EDIL3: variants seen among roughly 807,000 people sequenced by gnomAD.
EDIL3 encodes EGF-like repeat and discoidin I-like domain-containing protein 3.
Under a neutral mutation model 67.4 loss-of-function variants are expected in EDIL3, and 37 were observed. The observed-to-expected ratio is 0.55, with a 90% CI of 0.42 to 0.72. The LOEUF (loss-of-function observed/expected upper bound fraction) is 0.72. Among genes scored for constraint, EDIL3 ranks in the 30% least tolerant of loss-of-function variants. The pLI is 0.00. For synonymous variants in EDIL3, 195 were observed against 196.3 expected (o/e 0.99, Z 0.05); for missense variants, 527 against 586.3 (o/e 0.90, Z 1.04).
At chr5:83,968,331 C>G (rs749000632) in intron 9 of EDIL3, among the ~76,000 whole-genome samples, 6 of 152,028 alleles carry the variant, frequency 3.9e-5, no homozygotes, top group Non-Finnish European at 8.8e-5. Flanking sequence ...CATTCTAGCA[C>G]TCATTATTGC....
chr5:84,267,379 C>T (rs1347384508), intron 1 of EDIL3, among the ~76,000 whole-genome samples: 3 of 152,084 alleles, frequency 2.0e-5, no homozygotes, highest in Non-Finnish European at 2.9e-5. Context: ...ATGGCTATGC[C>T]CCTTAGTATG....
At chr5:84,054,148 T>C (rs1459303873) in intron 9 of EDIL3, among the ~76,000 whole-genome samples, 3 of 152,156 alleles carry the variant, frequency 2.0e-5, no homozygotes, top group Admixed American at 6.5e-5. Context: ...GCAAGGCTGG[T>C]TCAACATATG....
intron 1 of EDIL3, among the ~76,000 whole-genome samples, chr5:84,355,791 T>G (rs896357468): frequency 5.9e-5 from 9 of 152,124 alleles, no homozygotes; most frequent in Non-Finnish European, 1.0e-4. Context: ...AAGCAGTCTG[T>G]CCCTTTGCAG....
At position 84,280,126 on chromosome 5, in the gene EDIL3, C is replaced by T. The variant is rs75473421; in HGVS notation, c.68-25914G>A. On this transcript the variant is annotated intron_variant, in intron 1 of 10. Coordinates refer to ENST00000296591, the MANE Select transcript of EDIL3 (RefSeq NM_005711.5). ...TGTAATGTTTCTACATCTTTGCTTTCTATAAAATGCCTAGCAAAGAATTGT... is the reference window on the plus strand; with the variant it reads ...TGTAATGTTTCTACATCTTTGCTTTTTATAAAATGCCTAGCAAAGAATTGT... 2.5e-3 allele frequency among the ~76,000 whole-genome samples: 384 copies of T among 152,280 alleles called. 1 individual carries two copies. The highest frequency in any genetic ancestry group is 8.4e-3 in the African/African-American group (350 of 41,552).
chr5:84,331,516 T>C (rs961353767), intron 1 of EDIL3, among the ~76,000 whole-genome samples: 9 of 152,190 alleles, frequency 5.9e-5, no homozygotes, highest in Admixed American at 5.9e-4. Flanking sequence ...TGCTCTGCAC[T>C]TCTCATTCCT....
intron 3 of EDIL3, among the ~76,000 whole-genome samples, chr5:84,183,777 C>G (rs890926967): frequency 1.3e-5 from 2 of 152,116 alleles, no homozygotes; most frequent in Non-Finnish European, 2.9e-5. Context: ...ATGACTGAAA[C>G]AGTAAGTCCT....
At chr5:84,224,630 T>C (rs1351064478) in intron 3 of EDIL3, among the ~76,000 whole-genome samples, 1 of 151,490 alleles carries the variant, frequency 6.6e-6, no homozygotes, top group Non-Finnish European at 1.5e-5. Context: ...TATCATATGT[T>C]CAGGTGAATG....
intron 3 of EDIL3, among the ~76,000 whole-genome samples, chr5:84,208,344 T>C (rs1193330055): frequency 6.6e-5 from 10 of 152,034 alleles, no homozygotes; most frequent in Non-Finnish European, 1.2e-4. Context: ...AAAACCACAA[T>C]GAGATACCAT....
intron 3 of EDIL3, among the ~76,000 whole-genome samples, chr5:84,219,117 T>C (rs1187914790): frequency 6.6e-6 from 1 of 152,116 alleles, no homozygotes; most frequent in Non-Finnish European, 1.5e-5. Flanking sequence ...ACAGAGGTGC[T>C]TGTGTCACCC....
chr5:84,304,215 G>A (rs1213052857), intron 1 of EDIL3, among the ~76,000 whole-genome samples: 7 of 152,078 alleles, frequency 4.6e-5, no homozygotes, highest in Non-Finnish European at 8.8e-5. Flanking sequence ...TGTTTCCTAG[G>A]TGAAAGCTGA....
chr5:84,080,037 C>T (rs1276415341), intron 6 of EDIL3, among the ~76,000 whole-genome samples: 11 of 136,216 alleles, frequency 8.1e-5, no homozygotes, highest in Non-Finnish European at 1.5e-4. Flanking sequence ...TTTGGGAGGC[C>T]GAGGCGGGCG....
At chr5:84,277,242 G>A (rs1042400508) in intron 1 of EDIL3, among the ~76,000 whole-genome samples, 1 of 152,062 alleles carries the variant, frequency 6.6e-6, no homozygotes, top group Non-Finnish European at 1.5e-5. Flanking sequence ...TGTGATTAGT[G>A]TCCTTATAAC....
intron 5 of EDIL3, among the ~76,000 whole-genome samples, chr5:84,120,976 A>G (rs1027937075): frequency 2.6e-4 from 39 of 151,982 alleles, no homozygotes; most frequent in Non-Finnish European, 7.4e-5. Context: ...ATACATGCCA[A>G]TGGGTAACAG....
intron 5 of EDIL3, among the ~76,000 whole-genome samples, chr5:84,113,020 A>G (rs749554072): frequency 3.3e-5 from 5 of 152,176 alleles, no homozygotes; most frequent in Non-Finnish European, 4.4e-5. Context: ...TGAGTAAAGA[A>G]GAGCACTTGT....
intron 1 of EDIL3, among the ~76,000 whole-genome samples, chr5:84,286,343 G>T (rs192429685): frequency 1.5e-3 from 226 of 152,218 alleles, no homozygotes; most frequent in African/African-American, 5.1e-3. Context: ...AAAAGCCATA[G>T]ATGTCCACGT....
chr5:84,326,731 T>C (rs1746764647), intron 1 of EDIL3, among the ~76,000 whole-genome samples: 2 of 151,982 alleles, frequency 1.3e-5, no homozygotes, highest in South Asian at 4.1e-4. Context: ...TTGTTTCCAA[T>C]GTATCTCAAA....
intron 2 of EDIL3, among the ~76,000 whole-genome samples, chr5:84,248,286 G>A (rs890236187): frequency 6.6e-6 from 1 of 151,990 alleles, no homozygotes; most frequent in African/African-American, 2.4e-5. Context: ...TTGCTTAACT[G>A]CTCCACAGTA....
intron 1 of EDIL3, among the ~76,000 whole-genome samples, chr5:84,276,789 G>C (rs1191470258): frequency 6.6e-6 from 1 of 151,888 alleles, no homozygotes. Flanking sequence ...GGCCAGGCTG[G>C]TCTCAAACTC....
intron 3 of EDIL3, among the ~76,000 whole-genome samples, chr5:84,183,648 T>C (rs1352268324): frequency 1.3e-5 from 2 of 152,106 alleles, no homozygotes; most frequent in Non-Finnish European, 2.9e-5. Flanking sequence ...GGAAAAATAG[T>C]TATTTAAACC....
Sources: gnomAD v4.1 joint callset for allele counts (sites outside exome capture counted in the v4.1 genomes callset) on GRCh38, gnomAD v4.1.1 for gene constraint, MANE v1.5 for transcripts, NCBI Gene and HGNC (gene_info 2026-07-23, HGNC 2026-07-21) for gene names.